The following GNAQ variants were observed in gnomAD, a reference collection of about 807,000 sequenced individuals.
GNAQ encodes G protein subunit alpha q.
In GNAQ, 8 loss-of-function variants were observed where a neutral mutation model predicts 43.9. The ratio of observed to expected loss-of-function variants is 0.18; its 90% CI spans 0.11 to 0.33. GNAQ has a LOEUF of 0.33. Ranked by LOEUF, GNAQ falls within the 10% of genes least tolerant of loss-of-function variation. The pLI is 1.00. For synonymous variants in GNAQ, 155 were observed against 170.7 expected (o/e 0.91, Z 0.71); for missense variants, 158 against 450.8 (o/e 0.35, Z 5.88).
chr9:77,815,787 A>G lies in GNAQ; in HGVS notation c.322-17T>C, dbSNP rs1827003436. ...TGCATGAGCCTGTTTAAATAAAAAA[A>G]GGCAGTTTTAATACCCTATTACTTT... On this transcript the variant is annotated splice_polypyrimidine_tract_variant and intron_variant, in intron 2 of 6. Coordinates refer to ENST00000286548, the MANE Select transcript of GNAQ (RefSeq NM_002072.5). 2 of 1,601,082 alleles carry G rather than the reference A, an allele frequency of 1.2e-6. No individual in the cohort carries two copies. Among genetic ancestry groups the G allele is most frequent in the Non-Finnish European group, 1.7e-6 (2 of 1,172,072 alleles).
At position 77,892,815 on chromosome 9, in the gene GNAQ, T is replaced by C. The variant is rs572382215; in HGVS notation, c.321+29346A>G. Among the ~76,000 whole-genome samples, 9 of 152,250 alleles carry C rather than the reference T, an allele frequency of 5.9e-5. No individual in the cohort carries two copies. The South Asian group carries it at 6.2e-4, about 11-fold the overall frequency. On this transcript the variant is annotated intron_variant, in intron 2 of 6. Transcript: ENST00000286548. ...ATCCCTTTTGGAAACTAGTAAATAA[T>C]ACATACTTTGAAAAGAAAGAAAATC... is the stretch of plus-strand genomic sequence containing the variant.
In GNAQ at chr9:77,720,417, A is replaced by G. The variant is rs1162875642; in HGVS notation, c.*906T>C. 1 of 233,506 alleles carries G rather than the reference A, an allele frequency of 4.3e-6. No homozygotes were observed. Among genetic ancestry groups the G allele is most frequent in the African/African-American group, 2.2e-5 (1 of 45,356 alleles). The allele number at this position is 233,506 out of a possible 1,614,324, so 14.5% of individuals were successfully genotyped here. A position where few individuals can be genotyped will look rare whatever the true frequency, so the allele number is the denominator to read the frequency against. On this transcript the variant is annotated 3_prime_UTR_variant, in exon 7 of 7. Transcript: ENST00000286548. ...AAGCTTGAACAACAACAACAAAAAAATTAAGAACAACCTATAAAAAGGTTC... is the reference window on the plus strand; with the variant it reads ...AAGCTTGAACAACAACAACAAAAAAGTTAAGAACAACCTATAAAAAGGTTC...
intron 2 of GNAQ, among the ~76,000 whole-genome samples, chr9:77,891,276 C>G (rs1305227207): frequency 6.6e-6 from 1 of 152,148 alleles, no homozygotes; most frequent in Non-Finnish European, 1.5e-5. Context: ...GTTCTCCTCT[C>G]CATCTCTTGC....
intron 2 of GNAQ, among the ~76,000 whole-genome samples, chr9:77,853,906 T>C (rs1827712608): frequency 6.6e-6 from 1 of 152,132 alleles, no homozygotes; most frequent in Non-Finnish European, 1.5e-5. Context: ...AAATGAATTT[T>C]GGAGTGCCTC....
intron 1 of GNAQ, among the ~76,000 whole-genome samples, chr9:77,980,602 G>A (rs557019612): frequency 3.9e-5 from 6 of 151,948 alleles, no homozygotes; most frequent in Admixed American, 2.6e-4. Flanking sequence ...AACATGCAAC[G>A]TGCCTTATGC....
At chr9:77,772,758 A>C (rs1826246673) in intron 5 of GNAQ, among the ~76,000 whole-genome samples, 1 of 152,210 alleles carries the variant, frequency 6.6e-6, no homozygotes, top group African/African-American at 2.4e-5. Context: ...ACTAATACAA[A>C]CACTGTAATA....
chr9:77,866,026 T>C (rs1217488975), intron 2 of GNAQ, among the ~76,000 whole-genome samples: 2 of 152,194 alleles, frequency 1.3e-5, no homozygotes, highest in Non-Finnish European at 2.9e-5. Flanking sequence ...CTGAGAAAGT[T>C]GCTATAATAG....
chr9:77,909,163 C>T (rs1320675286), intron 2 of GNAQ, among the ~76,000 whole-genome samples: 1 of 152,146 alleles, frequency 6.6e-6, no homozygotes, highest in African/African-American at 2.4e-5. Context: ...TACACGCCAC[C>T]CACAAAGCAT....
chr9:77,862,766 A>G (rs958258484), intron 2 of GNAQ, among the ~76,000 whole-genome samples: 1 of 152,146 alleles, frequency 6.6e-6, no homozygotes, highest in Non-Finnish European at 1.5e-5. Context: ...ATAAAATGGA[A>G]TTTTCTTTTC....
At chr9:78,010,323 T>C (rs1823758520) in intron 1 of GNAQ, among the ~76,000 whole-genome samples, 1 of 152,192 alleles carries the variant, frequency 6.6e-6, no homozygotes, top group Admixed American at 6.5e-5. Flanking sequence ...AGTCTCTCCG[T>C]GTTCCCCAGG....
intron 1 of GNAQ, among the ~76,000 whole-genome samples, chr9:77,992,504 A>G (rs4618770): frequency 0.75 from 114,586 of 151,780 alleles, 43,521 homozygotes; most frequent in African/African-American, 0.8. Flanking sequence ...AGAAGGACAG[A>G]GATCTCTCTA....
chr9:77,805,731 C>T (rs777546133), intron 3 of GNAQ, among the ~76,000 whole-genome samples: 2 of 152,038 alleles, frequency 1.3e-5, no homozygotes, highest in African/African-American at 4.8e-5. Context: ...TACAAAGTGG[C>T]AGGTTCAAAA....
Position 77,880,702 on chromosome 9 carries a change from T to C in GNAQ, c.321+41459A>G, listed in dbSNP as rs973888804. On this transcript the variant is annotated intron_variant, in intron 2 of 6. Coordinates refer to ENST00000286548, the MANE Select transcript of GNAQ (RefSeq NM_002072.5). Reference sequence around the variant, plus strand: ...CTATTTAGCTAAGTGTGAAAAACAATTTGCCTTCATCATGAAGTATGTTTT... The same window carrying C: ...CTATTTAGCTAAGTGTGAAAAACAACTTGCCTTCATCATGAAGTATGTTTT... Among the ~76,000 whole-genome samples, 5 of 152,100 alleles carry C rather than the reference T, an allele frequency of 3.3e-5. No homozygotes were observed. The East Asian group carries it at 5.8e-4, about 18-fold the overall frequency.
At chr9:77,949,075 GA>G (rs762516994) in intron 1 of GNAQ, among the ~76,000 whole-genome samples, 9 of 152,144 alleles carry the variant, frequency 5.9e-5, no homozygotes, top group Non-Finnish European at 1.3e-4. Context: ...ACCTTCTTAG[GA>G]TAACAGACAG....
At chr9:78,012,292 C>A (rs1362350872) in intron 1 of GNAQ, among the ~76,000 whole-genome samples, 1 of 147,058 alleles carries the variant, frequency 6.8e-6, no homozygotes, top group East Asian at 2.0e-4. Flanking sequence ...GGCTGGAGTG[C>A]AATGGCACAA....
chr9:77,999,860 A>G (rs565991266), intron 1 of GNAQ, among the ~76,000 whole-genome samples: 3 of 152,328 alleles, frequency 2.0e-5, no homozygotes, highest in East Asian at 1.9e-4. Flanking sequence ...ACAACTTCCT[A>G]TAACAGTATT....
chr9:77,987,392 GA>G (rs1823454481), intron 1 of GNAQ, among the ~76,000 whole-genome samples: 1 of 152,048 alleles, frequency 6.6e-6, no homozygotes, highest in Non-Finnish European at 1.5e-5. Flanking sequence ...CCCATGTTTT[GA>G]GGCATATCAG....
intron 1 of GNAQ, among the ~76,000 whole-genome samples, chr9:77,952,953 T>C (rs1823000293): frequency 6.6e-6 from 1 of 152,220 alleles, no homozygotes; most frequent in Non-Finnish European, 1.5e-5. Context: ...GCAATTGTTG[T>C]TGTTAATTCA....
Position 77,906,516 on chromosome 9 carries a change from T to C in GNAQ, c.321+15645A>G, listed in dbSNP as rs368153289. Among the ~76,000 whole-genome samples, 33 of 152,320 alleles carry C rather than the reference T, an allele frequency of 2.2e-4. 1 individual carries two copies. In the South Asian group the frequency reaches 6.4e-3, roughly 30 times the overall value. On this transcript the variant is annotated intron_variant, in intron 2 of 6. Coordinates refer to ENST00000286548, the MANE Select transcript of GNAQ (RefSeq NM_002072.5). ...GCAGTTTATCCTGCAAGGATGTTCA[T>C]TATGGCACAAGTGAGAAAACAACTC...
Sources: allele counts gnomAD v4.1 joint callset (sites outside exome capture counted in the v4.1 genomes callset), GRCh38; gene constraint gnomAD v4.1.1; transcripts MANE v1.5; gene names NCBI Gene and HGNC (gene_info 2026-07-23, HGNC 2026-07-21).